The following DPYSL4 variants were observed in gnomAD, a reference collection of about 807,000 sequenced individuals.
DPYSL4 encodes dihydropyrimidinase-related protein 4.
DPYSL4 carries 43 observed loss-of-function variants against 63.4 expected under a neutral mutation model. The observed-to-expected ratio is 0.68, with a 90% confidence interval of 0.53 to 0.88. The LOEUF (loss-of-function observed/expected upper bound fraction) is 0.88. Among genes scored for constraint, DPYSL4 ranks in the 40% least tolerant of loss-of-function variants. DPYSL4 has a pLI of 0.00. For synonymous variants in DPYSL4, 353 were observed against 331.7 expected, an observed-to-expected ratio of 1.06 and a Z score of -0.70; for missense variants, 733 against 819.5, an observed-to-expected ratio of 0.89 and a Z score of 1.29.
intron 8 of DPYSL4, 31 bp downstream of exon 8, chr10:132,199,002 G>A (rs1268043525): frequency 4.9e-6 from 6 of 1,219,882 alleles, no homozygotes; most frequent in South Asian, 4.5e-5. Context: ...CTGATGCCGA[G>A]GGGCCATGGT....
At chr10:132,195,046 A>G in intron 4 of DPYSL4, 37 bp downstream of exon 4, 1 of 1,581,916 alleles carries the variant, frequency 6.3e-7, no homozygotes, top group Non-Finnish European at 8.5e-7. Flanking sequence ...GCGGGCATGG[A>G]GCCTGGTGGA....
intron 1 of DPYSL4, among the ~76,000 whole-genome samples, chr10:132,188,531 G>C (rs555206442): frequency 1.3e-5 from 2 of 152,358 alleles, no homozygotes; most frequent in African/African-American, 4.8e-5. Context: ...GTGGTGCCGG[G>C]TCAGGGCTGA....
At chr10:132,195,100 T>TGCCCTGG in intron 4 of DPYSL4, 91 bp downstream of exon 4, 2 of 1,414,376 alleles carry the variant, frequency 1.4e-6, no homozygotes, top group Non-Finnish European at 1.9e-6. Flanking sequence ...GGTGCTGCTC[T>TGCCCTGG]GCCCTGGGGG....
chr10:132,200,720 C>T, intron 9 of DPYSL4, 122 bp from the exon 10 acceptor site: 2 of 1,410,416 alleles, frequency 1.4e-6, no homozygotes, highest in Non-Finnish European at 1.9e-6. Context: ...CCAGCTCTGC[C>T]CAGCGAGAGC....
chr10:132,190,873 C>T (rs758764485), intron 2 of DPYSL4, 38 bp downstream of exon 2: 4 of 1,592,378 alleles, frequency 2.5e-6, no homozygotes, highest in South Asian at 1.1e-5. Context: ...GTTCCCAGCT[C>T]GTGTGTACAC....
At chr10:132,202,855 A>G in intron 12 of DPYSL4, 30 bp downstream of exon 12, 1 of 1,557,442 alleles carries the variant, frequency 6.4e-7, no homozygotes, top group Non-Finnish European at 8.7e-7. Context: ...GGTGTTGTGC[A>G]GGTAGGCAGG....
intron 7 of DPYSL4, 30 bp from the exon 8 acceptor site, chr10:132,198,821 G>A (rs779363519): frequency 1.2e-6 from 2 of 1,611,522 alleles, no homozygotes; most frequent in Admixed American, 1.7e-5. Context: ...GGGCCCTCGT[G>A]TGGCCTCATC....
intron 3 of DPYSL4, among the ~76,000 whole-genome samples, chr10:132,194,167 A>G (rs1269178746): frequency 6.6e-6 from 1 of 152,186 alleles, no homozygotes; most frequent in African/African-American, 2.4e-5. Flanking sequence ...CTGGGTGCCC[A>G]CTTCATCTTG....
At position 132,197,152 on chromosome 10, in the gene DPYSL4, C is replaced by T. The variant is rs1202746208; in HGVS notation, c.621+51C>T. On this transcript the variant is annotated intron_variant, in intron 6 of 13. Coordinates refer to ENST00000338492, the MANE Select transcript of DPYSL4 (RefSeq NM_006426.3). ...GGCAGGCACAGGGGCTGCCGTGGGG[C>T]AGGGGCTGCCTGTGGGGTGGGGCAG... is the stretch of plus-strand genomic sequence containing the variant. 11 of 1,434,622 alleles carry T rather than the reference C, an allele frequency of 7.7e-6. No homozygotes were observed. In the East Asian group the frequency reaches 2.7e-4, roughly 36 times the overall value. The allele number at this position is 1,434,622 out of a possible 1,614,324, so 88.9% of individuals were successfully genotyped here. A position where few individuals can be genotyped will look rare whatever the true frequency, so the allele number is the denominator to read the frequency against.
chr10:132,201,172 A>C (rs1055399877), intron 10 of DPYSL4, among the ~76,000 whole-genome samples, 189 bp downstream of exon 10: 2 of 151,868 alleles, frequency 1.3e-5, no homozygotes, highest in Non-Finnish European at 2.9e-5. Flanking sequence ...TCCAGATGAG[A>C]CTCCAACAGC....
chr10:132,196,729 G>T, intron 4 of DPYSL4, 132 bp from the exon 5 acceptor site: 2 of 1,017,210 alleles, frequency 2.0e-6, no homozygotes, highest in South Asian at 2.9e-5. Context: ...CCCAGGGCTG[G>T]CAAGCCAGTG....
In DPYSL4 at chr10:132,203,941, G is replaced by C. The variant is rs766678205; in HGVS notation, c.1627+14G>C. On this transcript the variant is annotated intron_variant, in intron 13 of 13. Coordinates refer to ENST00000338492, the MANE Select transcript of DPYSL4 (RefSeq NM_006426.3). ...TCAGCCTATCTGGTGAGTTGGGCCTGGGGCACCAGTGGGGGTGAGGGGCTC... is the reference window on the plus strand; with the variant it reads ...TCAGCCTATCTGGTGAGTTGGGCCTCGGGCACCAGTGGGGGTGAGGGGCTC... 2.5e-6 allele frequency: 4 copies of C among 1,587,484 alleles called. No homozygotes were observed. In the South Asian group the frequency reaches 4.5e-5, roughly 18 times the overall value.
intron 11 of DPYSL4, 106 bp from the exon 12 acceptor site, chr10:132,202,540 C>A (rs553689957): frequency 7.0e-7 from 1 of 1,430,048 alleles, no homozygotes; most frequent in Non-Finnish European, 9.5e-7. Flanking sequence ...GTAGGCACAC[C>A]GGGCCTGCTC....
At chr10:132,187,345 T>G (rs61865795) in intron 1 of DPYSL4, among the ~76,000 whole-genome samples, 13 of 44,330 alleles carry the variant, frequency 2.9e-4, no homozygotes, top group South Asian at 5.8e-4. Flanking sequence ...GGCCCGGCCC[T>G]GCCCGGCCCT....
intron 8 of DPYSL4, 26 bp from the exon 9 acceptor site, chr10:132,200,330 C>T (rs1290317191): frequency 2.5e-6 from 4 of 1,611,426 alleles, no homozygotes; most frequent in East Asian, 2.2e-5. Flanking sequence ...GTCGGTGGGG[C>T]ACCTCTCATG....
chr10:132,203,469 G>A (rs2062048628), intron 12 of DPYSL4: 4 of 458,952 alleles, frequency 8.7e-6, no homozygotes, highest in African/African-American at 1.9e-5. Context: ...GGTTGAGCAT[G>A]TGCACCTGTG....
chr10:132,192,678 T>C lies in DPYSL4; in HGVS notation c.149T>C (p.Ile50Thr), dbSNP rs1216444333. 1.9e-6 allele frequency: 3 copies of C among 1,606,590 alleles called. No homozygotes were observed. The highest frequency in any genetic ancestry group is 1.7e-4 in the Middle Eastern group (1 of 6,010). The change falls in exon 3 of 14, where the codon ATC (isoleucine) becomes ACC (threonine). Residue 50 changes from isoleucine (I) to threonine (T), a missense_variant. Coordinates refer to ENST00000338492, the MANE Select transcript of DPYSL4 (RefSeq NM_006426.3). ...GLIKQIGENL[I>T]VPGGIKTIDA... ...TTCAGACAAATCGGAGAAAACCTCA[T>C]CGTCCCTGGGGGCATCAAGACCATT...
intron 1 of DPYSL4, among the ~76,000 whole-genome samples, chr10:132,189,949 G>GTTCT (rs2061852266): frequency 6.6e-6 from 1 of 152,182 alleles, no homozygotes; most frequent in Admixed American, 6.5e-5. Context: ...CCCACCAGAA[G>GTTCT]GTTCCATCCC....
intron 4 of DPYSL4, among the ~76,000 whole-genome samples, chr10:132,196,021 G>A (rs1266215550): frequency 6.6e-6 from 1 of 152,248 alleles, no homozygotes. Flanking sequence ...GACACTCGGG[G>A]GCAGGCCTCA....
Sources: allele counts gnomAD v4.1 joint callset (sites outside exome capture counted in the v4.1 genomes callset), GRCh38; gene constraint gnomAD v4.1.1; transcripts MANE v1.5; gene names NCBI Gene and HGNC (gene_info 2026-07-23, HGNC 2026-07-21).